Variants in KAZN observed in about 807,000 individuals in gnomAD.
KAZN encodes the protein kazrin, periplakin interacting protein, also known as kazrin.
In KAZN, 40 loss-of-function variants were observed where a neutral mutation model predicts 87.4. The observed-to-expected ratio is 0.46, with a 90% confidence interval of 0.36 to 0.60. The LOEUF is 0.60. KAZN is among the 20% of genes least tolerant of loss of function. The probability of loss-of-function intolerance (pLI) is 0.00; values close to 1 mark genes in which losing one functional copy is unlikely to be tolerated. For missense variants in KAZN, 898 were observed against 1,073.9 expected (o/e 0.84, Z 2.29); for synonymous variants, 466 against 458.3 (o/e 1.02, Z -0.22).
intron 1 of KAZN, among the ~76,000 whole-genome samples, chr1:14,800,439 G>A (rs970065884): frequency 6.6e-6 from 1 of 152,202 alleles, no homozygotes; most frequent in Non-Finnish European, 1.5e-5. Flanking sequence ...GGTGGCTCGT[G>A]CCTGTAATCC....
intron 2 of KAZN, among the ~76,000 whole-genome samples, chr1:14,242,026 C>T (rs866527358): frequency 6.6e-6 from 1 of 152,176 alleles, no homozygotes; most frequent in African/African-American, 2.4e-5. Flanking sequence ...TAATTGGACC[C>T]TGTTCTATTT....
intron 1 of KAZN, among the ~76,000 whole-genome samples, chr1:14,611,888 G>A (rs1360236104): frequency 6.6e-6 from 1 of 152,056 alleles, no homozygotes; most frequent in Non-Finnish European, 1.5e-5. Flanking sequence ...TAGGCTTTGG[G>A]CACCATAAAA....
chr1:14,410,162 A>G (rs1664192926), intron 2 of KAZN, among the ~76,000 whole-genome samples: 1 of 152,198 alleles, frequency 6.6e-6, no homozygotes, highest in Non-Finnish European at 1.5e-5. Flanking sequence ...GGAGTGCAGC[A>G]GCGTGATCTC....
intron 2 of KAZN, among the ~76,000 whole-genome samples, chr1:14,254,929 T>A (rs1481557748): frequency 6.6e-6 from 1 of 151,838 alleles, no homozygotes; most frequent in Non-Finnish European, 1.5e-5. Flanking sequence ...GAGACCAGCC[T>A]GACCAACATG....
intron 1 of KAZN, among the ~76,000 whole-genome samples, chr1:14,638,411 A>G (rs1212463286): frequency 6.6e-6 from 1 of 152,072 alleles, no homozygotes; most frequent in Non-Finnish European, 1.5e-5. Flanking sequence ...TCTACTAAAA[A>G]TACAAAAATT....
intron 1 of KAZN, among the ~76,000 whole-genome samples, chr1:14,018,013 C>A (rs1328041300): frequency 1.3e-5 from 2 of 152,182 alleles, no homozygotes. Flanking sequence ...TGAATGAACT[C>A]ATTTAAGCCT....
chr1:14,154,277 A>T (rs912849800), intron 1 of KAZN, among the ~76,000 whole-genome samples: 10 of 152,248 alleles, frequency 6.6e-5, no homozygotes, highest in Middle Eastern at 3.4e-3. Flanking sequence ...GGGATTTTTA[A>T]AAAAAATTCT....
At chr1:14,393,753 G>A (rs1003374653) in intron 2 of KAZN, among the ~76,000 whole-genome samples, 1 of 151,392 alleles carries the variant, frequency 6.6e-6, no homozygotes, top group African/African-American at 2.4e-5. Flanking sequence ...AGGCTGAAGT[G>A]GGAGGATCAC....
rs1365737318 is a variant in KAZN, at chr1:14,430,774, AG to A, written c.250-168207del. ...CCAGTTGAGAAGTGACTTCACAGAG[AG>A]GACAGGTATCGAGCCATAGCTTGAA... On this transcript the variant is annotated intron_variant, in intron 2 of 16. Transcript: ENST00000636203. Among the ~76,000 whole-genome samples the A allele has an allele frequency of 1.1e-4, 16 of 152,350 alleles. No individual in the cohort carries two copies. The East Asian group carries it at 3.1e-3, about 29-fold the overall frequency.
chr1:14,320,448 G>T (rs1223985212), intron 2 of KAZN, among the ~76,000 whole-genome samples: 1 of 151,984 alleles, frequency 6.6e-6, no homozygotes, highest in Non-Finnish European at 1.5e-5. Context: ...TCTCATGTTA[G>T]GCTTATCTCT....
intron 1 of KAZN, among the ~76,000 whole-genome samples, chr1:14,895,510 A>G (rs554129054): frequency 6.6e-6 from 1 of 152,308 alleles, no homozygotes; most frequent in Non-Finnish European, 1.5e-5. Context: ...TTCCCCTGGG[A>G]TCACATCAGG....
intron 1 of KAZN, among the ~76,000 whole-genome samples, chr1:14,913,718 G>T (rs1377037232): frequency 6.6e-6 from 1 of 152,244 alleles, no homozygotes; most frequent in Non-Finnish European, 1.5e-5. Context: ...CCTGTGCAGG[G>T]GTGGTGGGGG....
intron 1 of KAZN, among the ~76,000 whole-genome samples, chr1:14,802,681 A>T (rs971202706): frequency 3.3e-5 from 5 of 152,206 alleles, no homozygotes; most frequent in African/African-American, 1.2e-4. Flanking sequence ...CTGTTCACAG[A>T]CACTGTTCCA....
rs1660954151 is a variant in KAZN at position 14,940,653 on chromosome 1, C to T, written c.227-20031C>T. Among the ~76,000 whole-genome samples the T allele has an allele frequency of 3.4e-5, 5 of 149,122 alleles. No homozygotes were observed. In the South Asian group the frequency reaches 8.4e-4, roughly 25 times the overall value. ...GGAGGAAGAGCTGCTGGAGCCTGTA[C>T]CTTCTCTTGCACGTCCTAAGGAAGA... On this transcript the variant is annotated intron_variant, in intron 1 of 14. Coordinates refer to ENST00000376030, the MANE Select transcript of KAZN (RefSeq NM_201628.3).
intron 2 of KAZN, among the ~76,000 whole-genome samples, chr1:14,434,880 C>T (rs1666291139): frequency 1.3e-5 from 2 of 152,108 alleles, no homozygotes; most frequent in Admixed American, 6.5e-5. Flanking sequence ...GTAAAAGGCA[C>T]ATCCTGCCAT....
At chr1:14,713,240 A>C (rs1412228333) in intron 1 of KAZN, among the ~76,000 whole-genome samples, 1 of 123,378 alleles carries the variant, frequency 8.1e-6, no homozygotes, top group Non-Finnish European at 1.9e-5. Context: ...TAATTGCACA[A>C]GCGCTTTTTC....
At chr1:14,852,301 G>A (rs1252403180) in intron 1 of KAZN, among the ~76,000 whole-genome samples, 1 of 152,232 alleles carries the variant, frequency 6.6e-6, no homozygotes, top group East Asian at 1.9e-4. Flanking sequence ...TGAGAGATGG[G>A]CTGAGGCCCA....
At chr1:14,877,083 T>G (rs908144251) in intron 1 of KAZN, among the ~76,000 whole-genome samples, 11 of 152,200 alleles carry the variant, frequency 7.2e-5, no homozygotes, top group Non-Finnish European at 1.5e-4. Context: ...TTCCAGGGAC[T>G]TGAAAATGCC....
At chr1:14,990,472 C>T (rs1427263682) in intron 2 of KAZN, among the ~76,000 whole-genome samples, 1 of 152,236 alleles carries the variant, frequency 6.6e-6, no homozygotes, top group Non-Finnish European at 1.5e-5. Flanking sequence ...AATCCACCCG[C>T]CTTGGCCTCC....
Sources: gnomAD v4.1 joint callset for allele counts (sites outside exome capture counted in the v4.1 genomes callset) on GRCh38, gnomAD v4.1.1 for gene constraint, MANE v1.5 for transcripts, NCBI Gene and HGNC (gene_info 2026-07-23, HGNC 2026-07-21) for gene names.